The following PTPRD variants were observed in gnomAD, a reference collection of about 807,000 sequenced individuals.
PTPRD encodes the protein receptor-type tyrosine-protein phosphatase delta.
In PTPRD, 34 loss-of-function variants were observed where a neutral mutation model predicts 214.5. The ratio of observed to expected loss-of-function variants is 0.16; its 90% CI spans 0.12 to 0.21. PTPRD has a LOEUF of 0.21. Ranked by LOEUF, PTPRD falls within the 10% of genes least tolerant of loss-of-function variation. The pLI is 1.00. For missense variants in PTPRD, 2,545 were observed against 2,398.7 expected (o/e 1.06, Z -1.27); for synonymous variants, 1,128 against 845.7 (o/e 1.33, Z -5.79).
At chr9:10,018,037 A>C (rs988895231) in intron 4 of PTPRD, among the ~76,000 whole-genome samples, 1 of 152,076 alleles carries the variant, frequency 6.6e-6, no homozygotes, top group Admixed American at 6.6e-5. Context: ...AGTTAGTTTT[A>C]TTTATTGTCT....
chr9:10,458,248 A>T (rs2098932372), intron 2 of PTPRD, among the ~76,000 whole-genome samples: 1 of 152,164 alleles, frequency 6.6e-6, no homozygotes, highest in South Asian at 2.1e-4. Flanking sequence ...CAAGGAAAGA[A>T]AACTATAGGC....
At chr9:8,486,620 T>A (rs1471076179) in intron 27 of PTPRD, among the ~76,000 whole-genome samples, 5 of 152,224 alleles carry the variant, frequency 3.3e-5, no homozygotes, top group African/African-American at 1.2e-4. Flanking sequence ...TTTTGACACC[T>A]GCACGTTTTA....
chr9:9,290,657 T>A (rs1223279955), intron 9 of PTPRD, among the ~76,000 whole-genome samples: 2 of 151,588 alleles, frequency 1.3e-5, no homozygotes, highest in African/African-American at 4.8e-5. Context: ...ACTCGGTTAA[T>A]GACTCTGTAT....
intron 14 of PTPRD, among the ~76,000 whole-genome samples, chr9:8,583,772 T>C (rs2154255133): frequency 6.6e-6 from 1 of 152,338 alleles, no homozygotes; most frequent in South Asian, 2.1e-4. Context: ...CATGTCCTTA[T>C]TCTGAAGTAT....
intron 9 of PTPRD, among the ~76,000 whole-genome samples, chr9:9,251,345 C>T (rs775764073): frequency 1.3e-5 from 2 of 152,036 alleles, no homozygotes; most frequent in Non-Finnish European, 2.9e-5. Flanking sequence ...ATACTTCATC[C>T]CTGCCTACTT....
chr9:8,841,312 C>T (rs2097553092), intron 11 of PTPRD, among the ~76,000 whole-genome samples: 1 of 152,226 alleles, frequency 6.6e-6, no homozygotes, highest in South Asian at 2.1e-4. Flanking sequence ...AGTAAACCCT[C>T]TACTTTTCCA....
intron 10 of PTPRD, among the ~76,000 whole-genome samples, chr9:9,072,937 G>C (rs2099745886): frequency 6.6e-6 from 1 of 152,126 alleles, no homozygotes; most frequent in Admixed American, 6.6e-5. Flanking sequence ...AAAATTACGT[G>C]CCATCTTGAA....
intron 2 of PTPRD, among the ~76,000 whole-genome samples, chr9:10,345,965 T>A (rs527843954): frequency 6.6e-6 from 1 of 152,176 alleles, no homozygotes; most frequent in Non-Finnish European, 1.5e-5. Context: ...CTAACTGATG[T>A]GAGATGGTAT....
intron 8 of PTPRD, among the ~76,000 whole-genome samples, chr9:9,458,474 T>C (rs1326578800): frequency 1.3e-5 from 2 of 152,046 alleles, no homozygotes; most frequent in Non-Finnish European, 2.9e-5. Flanking sequence ...GTATAATGAG[T>C]GTGCATGTCT....
intron 10 of PTPRD, among the ~76,000 whole-genome samples, chr9:9,106,506 C>T (rs1001185488): frequency 5.4e-5 from 8 of 149,418 alleles, no homozygotes; most frequent in East Asian, 2.0e-4. Flanking sequence ...CCAGGCGATC[C>T]GACTTTAGAG....
At chr9:9,271,736 T>C (rs924105857) in intron 9 of PTPRD, among the ~76,000 whole-genome samples, 2 of 151,284 alleles carry the variant, frequency 1.3e-5, no homozygotes, top group African/African-American at 4.8e-5. Flanking sequence ...TGTGAAAATG[T>C]TTTTTCTGAG....
intron 4 of PTPRD, among the ~76,000 whole-genome samples, chr9:10,020,061 GAAGA>G (rs2096816734): frequency 6.6e-6 from 1 of 152,124 alleles, no homozygotes; most frequent in African/African-American, 2.4e-5. Context: ...TTCAGATGTT[GAAGA>G]AAGACGGAAG....
chr9:10,416,015 C>T (rs191324326), intron 2 of PTPRD, among the ~76,000 whole-genome samples: 1 of 151,664 alleles, frequency 6.6e-6, no homozygotes, highest in East Asian at 2.0e-4. Context: ...TGAGAGACAA[C>T]AGAGACATTT....
chr9:10,388,248 G>C (rs1025871932), intron 2 of PTPRD, among the ~76,000 whole-genome samples: 36 of 151,770 alleles, frequency 2.4e-4, no homozygotes, highest in Admixed American at 2.4e-3. Context: ...GTGATTCAAA[G>C]ATATTAGCTT....
intron 5 of PTPRD, among the ~76,000 whole-genome samples, chr9:9,881,835 G>A (rs189230405): frequency 1.1e-4 from 16 of 152,214 alleles, no homozygotes; most frequent in African/African-American, 3.6e-4. Context: ...ATGCCAGAAT[G>A]ACTAGGTTTG....
At chr9:10,391,399 G>T (rs2098062499) in intron 2 of PTPRD, among the ~76,000 whole-genome samples, 1 of 151,614 alleles carries the variant, frequency 6.6e-6, no homozygotes, top group Admixed American at 6.6e-5. Context: ...CATTCTTTAT[G>T]CTCAACAGAA....
At chr9:10,345,247 C>T (rs961911091) in intron 2 of PTPRD, among the ~76,000 whole-genome samples, 1 of 152,068 alleles carries the variant, frequency 6.6e-6, no homozygotes, top group African/African-American at 2.4e-5. Context: ...AATATATTTT[C>T]ATAAATTTAT....
intron 8 of PTPRD, among the ~76,000 whole-genome samples, chr9:9,569,171 T>C (rs2085549089): frequency 1.3e-5 from 2 of 151,482 alleles, no homozygotes; most frequent in Admixed American, 1.3e-4. Context: ...TCTAACTATC[T>C]GCACATGTAT....
At chr9:8,706,221 C>G (rs972092678) in intron 12 of PTPRD, among the ~76,000 whole-genome samples, 1 of 152,078 alleles carries the variant, frequency 6.6e-6, no homozygotes, top group Admixed American at 6.6e-5. Context: ...CTTGATCAAA[C>G]CAAGCTTACT....
Sources: allele counts gnomAD v4.1 joint callset (sites outside exome capture counted in the v4.1 genomes callset), GRCh38; gene constraint gnomAD v4.1.1; transcripts MANE v1.5; gene names NCBI Gene and HGNC (gene_info 2026-07-23, HGNC 2026-07-21).